Variants in SYT3 observed in about 807,000 individuals in gnomAD.
SYT3 encodes the protein synaptotagmin 3, also known as synaptotagmin-3.
SYT3 carries 25 observed loss-of-function variants against 50.6 expected under a neutral mutation model. That is an observed-to-expected ratio of 0.49 (90% CI 0.36 to 0.69). SYT3 has a LOEUF of 0.69. Among genes scored for constraint, SYT3 ranks in the 30% least tolerant of loss-of-function variants. The pLI is 0.00. For synonymous variants in SYT3, 323 were observed against 353.9 expected (o/e 0.91, Z 0.98); for missense variants, 589 against 793.6 (o/e 0.74, Z 3.10).
At chr19:50,652,203 T>G in the SYT3 span, among the ~76,000 whole-genome samples, 5 of 152,308 alleles carry the variant, frequency 3.3e-5, no homozygotes, top group Admixed American at 6.5e-5. Context: ...ATTTCCCTAA[T>G]TATCTCAAAA....
chr19:50,643,469 A>G (rs1334088468), upstream of SYT3, among the ~76,000 whole-genome samples: 1 of 151,980 alleles, frequency 6.6e-6, no homozygotes, highest in East Asian at 2.0e-4. Context: ...TCAAAACACA[A>G]AAAGAAAAAA....
the SYT3 span, chr19:50,657,959 G>A: frequency 2.0e-6 from 3 of 1,503,556 alleles, no homozygotes; most frequent in Non-Finnish European, 2.7e-6. Flanking sequence ...AGGAGGCCAC[G>A]GGCTGAGGTT....
chr19:50,623,951 T>C (rs973211572), intron 9 of SYT3, among the ~76,000 whole-genome samples: 7 of 151,178 alleles, frequency 4.6e-5, no homozygotes, highest in African/African-American at 9.7e-5. Flanking sequence ...GTATGTGCCC[T>C]CATATACTTG....
rs531398982 is a variant in SYT3, at chr19:50,627,010, C to T, written c.1282-993G>A. On this transcript the variant is annotated intron_variant, in intron 6 of 10. Transcript: ENST00000600079. The stretch of plus-strand genomic sequence containing the variant: ...GAGTGGGACAAAGACCAAGCAGACA[C>T]ACACACATAAACCAGCCTGAGAGAG... Among the ~76,000 whole-genome samples the T allele has an allele frequency of 1.3e-4, 20 of 152,208 alleles. No individual in the cohort carries two copies. In the South Asian group the frequency reaches 3.9e-3, roughly 30 times the overall value.
chr19:50,625,932 G>A lies in SYT3; in HGVS notation c.1367C>T (p.Ser456Phe). ...GRLTVTIIKA[S>F]NLKAMDLTGF... Reference sequence around the variant, plus strand: ...AGTGAGGTCCATCGCTTTGAGGTTAGAGGCTTTGATGATGGTCACGGTGAG... The same window carrying A: ...AGTGAGGTCCATCGCTTTGAGGTTAAAGGCTTTGATGATGGTCACGGTGAG... Residue 456 changes from serine to phenylalanine, a missense_variant, in exon 7 of 11, where the codon TCT becomes TTT. Transcript: ENST00000600079. This position sits in a 1 kb window ranked among gnomAD's most constrained non-coding sequence, Gnocchi z 7.5. 6.2e-7 allele frequency: 1 copy of A among 1,614,174 alleles called. No individual in the cohort carries two copies. The highest frequency in any genetic ancestry group is 8.5e-7 in the Non-Finnish European group (1 of 1,180,022).
Position 50,630,174 on chromosome 19 carries a change from G to C in SYT3, c.675-3C>G, listed in dbSNP as rs780917606. 6.6e-7 allele frequency: 1 copy of C among 1,517,720 alleles called. No homozygotes were observed. The highest frequency in any genetic ancestry group is 8.8e-7 in the Non-Finnish European group (1 of 1,131,040). 94.0% of individuals were successfully genotyped at this position (1,517,720 alleles called of 1,614,324 possible). On this transcript the variant is annotated splice_region_variant and splice_polypyrimidine_tract_variant and intron_variant, in intron 4 of 10. Coordinates refer to ENST00000600079, the MANE Select transcript of SYT3 (RefSeq NM_001160329.2). ...GGGGTCGGGGCAGGGCTGGGTACCTGTAGGGGGTTGGGGGGAGACCAAGGT... is the reference window on the plus strand; with the variant it reads ...GGGGTCGGGGCAGGGCTGGGTACCTCTAGGGGGTTGGGGGGAGACCAAGGT...
chr19:50,636,016 G>T (rs1984484354), intron 3 of SYT3, among the ~76,000 whole-genome samples: 1 of 152,196 alleles, frequency 6.6e-6, no homozygotes, highest in African/African-American at 2.4e-5. Context: ...ACTTTGGGAG[G>T]CTGGGGCGGG....
the SYT3 span, among the ~76,000 whole-genome samples, chr19:50,650,632 C>T: frequency 1.3e-5 from 2 of 152,186 alleles, no homozygotes; most frequent in African/African-American, 2.4e-5. Context: ...GATTGTGCCA[C>T]TGCACTCCAG....
chr19:50,623,320 T>A (rs1374878463), intron 9 of SYT3, among the ~76,000 whole-genome samples: 14 of 152,008 alleles, frequency 9.2e-5, no homozygotes, highest in Non-Finnish European at 1.8e-4. Flanking sequence ...CCCCGTCTTT[T>A]CCAATCTCAA....
Position 50,632,430 on chromosome 19 carries a change from G to T in SYT3, c.530C>A (p.Ala177Asp). The T allele has an allele frequency of 6.2e-7, 1 of 1,613,456 alleles. No homozygotes were observed. The highest frequency in any genetic ancestry group is 1.3e-5 in the African/African-American group (1 of 75,044). Residue 177 changes from alanine to aspartate, a missense_variant, in exon 4 of 11, where the codon GCT becomes GAT. Ala to Asp is a moderately radical substitution (Grantham distance 126). Coordinates refer to ENST00000600079, the MANE Select transcript of SYT3 (RefSeq NM_001160329.2). This position sits in a 1 kb window ranked among gnomAD's most constrained non-coding sequence, Gnocchi z 4.7. Reference sequence around the variant, plus strand: ...GGATGTTTGGCTCGGTTTGACCCCAGCGGCCACTGCTGCTGCTGCAGCCTC... The same window carrying T: ...GGATGTTTGGCTCGGTTTGACCCCATCGGCCACTGCTGCTGCTGCAGCCTC... ...YPEAAAAAVA[A>D]GVKPSQTSPE...
chr19:50,632,769 C>T lies in SYT3; in HGVS notation c.191G>A (p.Gly64Asp). The T allele has an allele frequency of 6.5e-7, 1 of 1,528,978 alleles. No individual in the cohort carries two copies. The highest frequency in any genetic ancestry group is 8.8e-7 in the Non-Finnish European group (1 of 1,140,994). The allele number at this position is 1,528,978 out of a possible 1,614,324, so 94.7% of individuals were successfully genotyped here. A position where few individuals can be genotyped will look rare whatever the true frequency, so the allele number is the denominator to read the frequency against. ...GAGAGAGACACCCAGAAGGACAATG[C>T]CACAGAATGTCACGATGACCGACAG... ...SLLSVIVTFC[G>D]IVLLGVSLFV... The change falls in exon 4 of 11, where the codon GGC becomes GAC. Residue 64 changes from glycine to aspartate, a missense_variant. Coordinates refer to ENST00000600079, the MANE Select transcript of SYT3 (RefSeq NM_001160329.2). The surrounding 1 kb of genome is among the most constrained non-coding windows in gnomAD (Gnocchi z 4.7).
chr19:50,644,374 AC>A (rs2123031428), upstream of SYT3, among the ~76,000 whole-genome samples: 1 of 151,878 alleles, frequency 6.6e-6, no homozygotes, highest in South Asian at 2.1e-4. Context: ...TTGGGTGCAT[AC>A]ATGGATGATT....
chr19:50,638,407 TG>T (rs1281810424), intron 2 of SYT3, among the ~76,000 whole-genome samples: 1 of 149,606 alleles, frequency 6.7e-6, no homozygotes, highest in African/African-American at 2.5e-5. Flanking sequence ...ATAGGTATGG[TG>T]GGAGCTGGGG....
rs768053715 is a variant in SYT3 at position 50,637,347 on chromosome 19, G to A, written c.65C>T (p.Ala22Val). Residue 22 changes from alanine to valine, a missense_variant, in exon 3 of 11, where the codon GCG (alanine) becomes GTG (valine). Ala to Val is a moderately conservative substitution (Grantham distance 64). Coordinates refer to ENST00000600079, the MANE Select transcript of SYT3 (RefSeq NM_001160329.2). The surrounding 1 kb of genome is among the most constrained non-coding windows in gnomAD (Gnocchi z 4.9). ...GTTGGTGTCAGCATCTCGGACCCGCGCACAGAGGTCCGAGACCAGGATGAG... is the reference window on the plus strand; with the variant it reads ...GTTGGTGTCAGCATCTCGGACCCGCACACAGAGGTCCGAGACCAGGATGAG... ...RALILVSDLC[A>V]RVRDADTNDR... 5.0e-6 allele frequency: 8 copies of A among 1,612,460 alleles called. No homozygotes were observed. In the African/African-American group the frequency reaches 5.3e-5, roughly 11 times the overall value.
At chr19:50,649,693 C>T in the SYT3 span, 8 of 720,586 alleles carry the variant, frequency 1.1e-5, no homozygotes, top group Admixed American at 2.0e-5. Flanking sequence ...AACTACATTT[C>T]CCATGAGCCT....
In SYT3 at chr19:50,639,851, C is replaced by T. The variant is rs547631618; in HGVS notation, c.-215G>A. ...CCGCCGCAGCCCCGCGCGCCAGCCG[C>T]GGTGCCGGCTCGGCTCCTCCCCTCG... On this transcript the variant is annotated 5_prime_UTR_variant, in exon 1 of 11. Coordinates refer to ENST00000600079, the MANE Select transcript of SYT3 (RefSeq NM_001160329.2). This position sits in a 1 kb window ranked among gnomAD's most constrained non-coding sequence, Gnocchi z 4.6. The T allele has an allele frequency of 1.3e-4, 20 of 158,096 alleles. No homozygotes were observed. In the East Asian group the frequency reaches 3.6e-3, roughly 28 times the overall value. 9.8% of individuals were successfully genotyped at this position (158,096 alleles called of 1,614,324 possible).
At chr19:50,655,889 G>A in the SYT3 span, among the ~76,000 whole-genome samples, 21 of 152,182 alleles carry the variant, frequency 1.4e-4, no homozygotes, top group Non-Finnish European at 2.8e-4. Flanking sequence ...TCACAGAGCC[G>A]GTGTCATGGG....
chr19:50,649,050 GAGA>G, the SYT3 span, among the ~76,000 whole-genome samples: 1 of 150,456 alleles, frequency 6.6e-6, no homozygotes, highest in East Asian at 2.0e-4. Flanking sequence ...GAGCCCAGGA[GAGA>G]AGGAGGGAGG....
At chr19:50,652,922 CTGT>C in the SYT3 span, among the ~76,000 whole-genome samples, 1 of 152,178 alleles carries the variant, frequency 6.6e-6, no homozygotes, top group Admixed American at 6.5e-5. Context: ...TCATTTTGTG[CTGT>C]GTGACTTTGG....
Sources: gnomAD v4.1 joint callset for allele counts (sites outside exome capture counted in the v4.1 genomes callset) on GRCh38, gnomAD v4.1.1 for gene constraint, Gnocchi (gnomAD v3.1) non-coding constraint, MANE v1.5 for transcripts, NCBI Gene and HGNC (gene_info 2026-07-23, HGNC 2026-07-21) for gene names.